CADPS2: variants seen among roughly 807,000 people sequenced by gnomAD.
CADPS2 encodes calcium-dependent secretion activator 2.
In CADPS2, 93 loss-of-function variants were observed where a neutral mutation model predicts 172.5. The ratio of observed to expected loss-of-function variants is 0.54; its 90% CI spans 0.46 to 0.64. CADPS2 has a LOEUF of 0.64. Among genes scored for constraint, CADPS2 ranks in the 30% least tolerant of loss-of-function variants. The pLI is 0.00. For synonymous variants in CADPS2, 546 were observed against 555.2 expected (o/e 0.98, Z 0.23); for missense variants, 1,420 against 1,565.9 (o/e 0.91, Z 1.57).
At chr7:122,885,887 CA>C (rs1418601803) in intron 1 of CADPS2, 111 bp downstream of exon 1, 5 of 1,317,648 alleles carry the variant, frequency 3.8e-6, no homozygotes, top group Non-Finnish European at 5.3e-6. Flanking sequence ...CAGAGACTAA[CA>C]AAAATACGGT....
intron 8 of CADPS2, among the ~76,000 whole-genome samples, chr7:122,544,577 A>G (rs541008787): frequency 6.6e-6 from 1 of 152,300 alleles, no homozygotes; most frequent in East Asian, 1.9e-4. Context: ...ATCTGGACTC[A>G]TTCATATGCC....
At chr7:122,796,815 T>C (rs1429550040) in intron 1 of CADPS2, among the ~76,000 whole-genome samples, 2 of 151,426 alleles carry the variant, frequency 1.3e-5, no homozygotes, top group Admixed American at 6.6e-5. Context: ...TGGGCAATGA[T>C]TTCATGGTGA....
intron 24 of CADPS2, 126 bp from the exon 25 acceptor site, chr7:122,379,568 T>C: frequency 1.5e-6 from 1 of 678,862 alleles, no homozygotes; most frequent in South Asian, 1.7e-5. Context: ...TTTAGAACAT[T>C]AAAAGAACAA....
rs1451391683 is a variant in CADPS2 at position 122,490,172 on chromosome 7, C to T, written c.1761G>A (p.Arg587=). The T allele has an allele frequency of 6.2e-7, 1 of 1,613,356 alleles. No homozygotes were observed. Among genetic ancestry groups the T allele is most frequent in the African/African-American group, 1.3e-5 (1 of 74,950 alleles). ...DRILWVQAMY[R]ATGQSYKPVP... ...CTGGTTTATATGATTGACCTGTGGCCCTATACATGGCTTGAACCCATAATA... is the reference window on the plus strand; with the variant it reads ...CTGGTTTATATGATTGACCTGTGGCTCTATACATGGCTTGAACCCATAATA... Residue 587 remains arginine (R), a synonymous_variant, in exon 11 of 30, where the codon AGG becomes AGA. Coordinates refer to ENST00000449022, the MANE Select transcript of CADPS2 (RefSeq NM_017954.11).
intron 2 of CADPS2, among the ~76,000 whole-genome samples, chr7:122,696,501 GACCCCAT>G (rs369924862): frequency 0.99 from 151,094 of 152,154 alleles, 75,026 homozygotes; most frequent in Middle Eastern, 1. Context: ...AGTCTTCCAT[GACCCCAT>G]GGTCATGGAA....
chr7:122,411,804 A>C (rs1162141443), intron 19 of CADPS2, among the ~76,000 whole-genome samples: 1 of 152,142 alleles, frequency 6.6e-6, no homozygotes, highest in Non-Finnish European at 1.5e-5. Context: ...AAAATATTTA[A>C]GTTCTCTTGA....
At chr7:122,795,716 A>C (rs1796227621) in intron 1 of CADPS2, among the ~76,000 whole-genome samples, 1 of 152,180 alleles carries the variant, frequency 6.6e-6, no homozygotes, top group African/African-American at 2.4e-5. Flanking sequence ...TATACCTCAA[A>C]ATAAGAGCCA....
intron 7 of CADPS2, among the ~76,000 whole-genome samples, chr7:122,556,544 T>C (rs1011670724): frequency 6.6e-6 from 1 of 152,196 alleles, no homozygotes; most frequent in African/African-American, 2.4e-5. Context: ...ATTAAAACTT[T>C]TGACAATTTC....
chr7:122,386,857 T>G (rs1040672146), intron 24 of CADPS2, among the ~76,000 whole-genome samples, 169 bp downstream of exon 24: 11 of 152,104 alleles, frequency 7.2e-5, no homozygotes, highest in Admixed American at 2.6e-4. Flanking sequence ...AAGGAGAAAC[T>G]GACATGAGCA....
chr7:122,419,507 A>G (rs961685822), intron 17 of CADPS2, among the ~76,000 whole-genome samples: 7 of 152,144 alleles, frequency 4.6e-5, no homozygotes, highest in Non-Finnish European at 8.8e-5. Context: ...TAAGTTTGGG[A>G]GTCAGAGGGT....
chr7:122,461,502 A>C (rs1170234925), intron 14 of CADPS2, among the ~76,000 whole-genome samples: 1 of 152,216 alleles, frequency 6.6e-6, no homozygotes, highest in Non-Finnish European at 1.5e-5. Flanking sequence ...ACAAAAGAAC[A>C]AAAGAATCTT....
chr7:122,376,525 A>G (rs974299355), intron 25 of CADPS2, among the ~76,000 whole-genome samples: 3 of 152,152 alleles, frequency 2.0e-5, no homozygotes, highest in Non-Finnish European at 2.9e-5. Context: ...TAAAATAGTC[A>G]AAATAACAGA....
At chr7:122,573,391 T>C (rs7782223) in intron 7 of CADPS2, among the ~76,000 whole-genome samples, 17,372 of 151,824 alleles carry the variant, frequency 0.11, 1,295 homozygotes, top group African/African-American at 0.2. Flanking sequence ...AAACAAAAAA[T>C]TGGCTGGGCA....
intron 14 of CADPS2, among the ~76,000 whole-genome samples, chr7:122,461,090 C>T (rs2054379390): frequency 6.6e-6 from 1 of 152,070 alleles, no homozygotes; most frequent in Admixed American, 6.6e-5. Context: ...GTTACAAAGC[C>T]CAAAATAGTT....
intron 1 of CADPS2, among the ~76,000 whole-genome samples, chr7:122,817,698 T>C (rs910885258): frequency 3.3e-5 from 5 of 151,904 alleles, no homozygotes; most frequent in Non-Finnish European, 7.4e-5. Flanking sequence ...TCTCTGCTTT[T>C]CTGCGGGAGG....
At chr7:122,365,064 T>C (rs2040678751) in intron 25 of CADPS2, among the ~76,000 whole-genome samples, 1 of 152,140 alleles carries the variant, frequency 6.6e-6, no homozygotes, top group South Asian at 2.1e-4. Context: ...TGCTGGCAAA[T>C]GCATTTAGGG....
chr7:122,614,580 G>C (rs2074680384), intron 6 of CADPS2, among the ~76,000 whole-genome samples: 1 of 152,192 alleles, frequency 6.6e-6, no homozygotes, highest in Non-Finnish European at 1.5e-5. Context: ...GTTTCTACTA[G>C]AGACCATGAT....
Position 122,360,824 on chromosome 7 carries a change from A to C in CADPS2, c.3472-4T>G. ...CATATTTTGCAGCTGCTTTCACCTTAAGTGTGAAAGAAAGAGATAATCATG... is the reference window on the plus strand; with the variant it reads ...CATATTTTGCAGCTGCTTTCACCTTCAGTGTGAAAGAAAGAGATAATCATG... On this transcript the variant is annotated splice_polypyrimidine_tract_variant and splice_region_variant and intron_variant, in intron 26 of 29. Coordinates refer to ENST00000449022, the MANE Select transcript of CADPS2 (RefSeq NM_017954.11). The C allele has an allele frequency of 6.4e-7, 1 of 1,570,754 alleles. No individual in the cohort carries two copies. Among genetic ancestry groups the C allele is most frequent in the Non-Finnish European group, 8.6e-7 (1 of 1,157,286 alleles).
In CADPS2 at chr7:122,583,803, C is replaced by T. The variant is rs1453318482; in HGVS notation, c.1224-2513G>A. 4.0e-5 allele frequency among the ~76,000 whole-genome samples: 6 copies of T among 151,030 alleles called. No individual in the cohort carries two copies. The East Asian group carries it at 1.2e-3, about 30-fold the overall frequency. On this transcript the variant is annotated intron_variant, in intron 6 of 29. Transcript: ENST00000449022. Reference sequence around the variant, plus strand: ...TACATAACATACATATCATATACATCACATCATATACATATGCATATGTAT... The same window carrying T: ...TACATAACATACATATCATATACATTACATCATATACATATGCATATGTAT...
Sources: allele counts gnomAD v4.1 joint callset (sites outside exome capture counted in the v4.1 genomes callset), GRCh38; gene constraint gnomAD v4.1.1; transcripts MANE v1.5; gene names NCBI Gene and HGNC (gene_info 2026-07-23, HGNC 2026-07-21).